The following PLPPR1 variants were observed in gnomAD, a reference collection of about 807,000 sequenced individuals.
PLPPR1 encodes phospholipid phosphatase-related protein type 1.
A neutral mutation model predicts 33.1 loss-of-function variants in PLPPR1; 10 were observed. That is an observed-to-expected ratio of 0.30 (90% CI 0.19 to 0.51). The LOEUF is 0.51. Among genes scored for constraint, PLPPR1 ranks in the 20% least tolerant of loss-of-function variants. The probability of loss-of-function intolerance (pLI) is 0.97; values close to 1 mark genes in which losing one functional copy is unlikely to be tolerated. For missense variants in PLPPR1, 304 were observed against 408.1 expected, an observed-to-expected ratio of 0.74 and a Z score of 2.20; for synonymous variants, 151 against 151.0, an observed-to-expected ratio of 1.00 and a Z score of 0.00.
intron 6 of PLPPR1, among the ~76,000 whole-genome samples, chr9:101,313,308 A>G (rs1389700418): frequency 6.6e-6 from 1 of 152,084 alleles, no homozygotes; most frequent in African/African-American, 2.4e-5. Flanking sequence ...TTCTCTAAGT[A>G]TTTGTTCTCA....
chr9:101,041,043 G>C (rs1005799628), intron 1 of PLPPR1, among the ~76,000 whole-genome samples: 1 of 152,192 alleles, frequency 6.6e-6, no homozygotes, highest in African/African-American at 2.4e-5. Flanking sequence ...GAATGGGGGA[G>C]ATCTGTGAAC....
chr9:101,117,696 A>G (rs375787520), intron 1 of PLPPR1, among the ~76,000 whole-genome samples: 1 of 152,054 alleles, frequency 6.6e-6, no homozygotes. Flanking sequence ...GAAATCACAC[A>G]TGTGAAAGAA....
At chr9:101,148,892 C>T (rs991439315) in intron 1 of PLPPR1, among the ~76,000 whole-genome samples, 15 of 152,270 alleles carry the variant, frequency 9.9e-5, no homozygotes, top group African/African-American at 3.4e-4. Flanking sequence ...ATTCTCCCTT[C>T]ATCCCCACAT....
At chr9:101,143,634 C>T (rs568612711) in intron 1 of PLPPR1, among the ~76,000 whole-genome samples, 3 of 152,326 alleles carry the variant, frequency 2.0e-5, no homozygotes, top group South Asian at 2.1e-4. Context: ...TGAACAGACA[C>T]TTCTCTGAAG....
chr9:101,226,459 A>C (rs1827070563), intron 2 of PLPPR1, among the ~76,000 whole-genome samples: 1 of 152,160 alleles, frequency 6.6e-6, no homozygotes, highest in South Asian at 2.1e-4. Context: ...GCTCATAAAC[A>C]AAAGAAGTGT....
chr9:101,099,389 T>C (rs1374430685), intron 1 of PLPPR1, among the ~76,000 whole-genome samples: 1 of 152,168 alleles, frequency 6.6e-6, no homozygotes, highest in Non-Finnish European at 1.5e-5. Context: ...ATTTGTTTTC[T>C]GATTTCTGAC....
chr9:101,048,615 ATAAAGAT>A (rs1830181463), intron 1 of PLPPR1, among the ~76,000 whole-genome samples: 1 of 152,266 alleles, frequency 6.6e-6, no homozygotes, highest in Non-Finnish European at 1.5e-5. Context: ...TAGGTAAAGT[ATAAAGAT>A]TAATGTGACA....
In PLPPR1 at chr9:101,314,655, T is replaced by TA. The variant is rs528249675; in HGVS notation, c.813+1687dup. ...TTAATTTAAAAGCACTTTATGGCTT[T>TA]AAAAAAGTGTTGACGCAGACACAAA... On this transcript the variant is annotated intron_variant, in intron 6 of 7. Coordinates refer to ENST00000374874, the MANE Select transcript of PLPPR1 (RefSeq NM_207299.2). 1.1e-3 allele frequency among the ~76,000 whole-genome samples: 161 copies of TA among 151,772 alleles called. 2 individuals carry two copies. Among genetic ancestry groups the TA allele is most frequent in the African/African-American group, 3.8e-3 (156 of 41,352 alleles).
chr9:101,122,346 TTAA>T (rs1831189134), intron 1 of PLPPR1, among the ~76,000 whole-genome samples: 1 of 152,214 alleles, frequency 6.6e-6, no homozygotes, highest in Admixed American at 6.5e-5. Flanking sequence ...ATTGTTGGTT[TTAA>T]TAATATTACC....
chr9:101,033,785 T>C (rs2252151), intron 1 of PLPPR1, among the ~76,000 whole-genome samples: 86,631 of 151,938 alleles, frequency 0.57, 24,844 homozygotes, highest in East Asian at 0.74. Context: ...AACAGAGAGG[T>C]CCCAGTAGCT....
intron 1 of PLPPR1, among the ~76,000 whole-genome samples, chr9:101,183,262 C>T (rs1460632732): frequency 6.6e-6 from 1 of 151,672 alleles, no homozygotes; most frequent in Admixed American, 6.6e-5. Flanking sequence ...AAATTCAAAA[C>T]AATCTAAATG....
chr9:101,267,406 A>G (rs1828017515), intron 2 of PLPPR1, among the ~76,000 whole-genome samples: 1 of 152,236 alleles, frequency 6.6e-6, no homozygotes, highest in African/African-American at 2.4e-5. Context: ...TTCAAACAGC[A>G]GAGAAGGCTG....
At chr9:101,291,459 G>A (rs1246992084) in intron 4 of PLPPR1, among the ~76,000 whole-genome samples, 1 of 152,224 alleles carries the variant, frequency 6.6e-6, no homozygotes, top group Non-Finnish European at 1.5e-5. Context: ...CACGCAGCTG[G>A]AGATCTGAGA....
intron 1 of PLPPR1, among the ~76,000 whole-genome samples, chr9:101,184,062 T>A (rs979228626): frequency 1.3e-5 from 2 of 151,814 alleles, no homozygotes; most frequent in South Asian, 2.1e-4. Context: ...TTGTCCATTT[T>A]AAAATGATGG....
intron 2 of PLPPR1, among the ~76,000 whole-genome samples, chr9:101,264,665 G>T (rs548866214): frequency 1.6e-4 from 25 of 152,338 alleles, no homozygotes; most frequent in African/African-American, 5.8e-4. Flanking sequence ...AAGAGTTGCT[G>T]ATTGACTAGC....
At chr9:101,283,076 A>G (rs551261414) in intron 3 of PLPPR1, among the ~76,000 whole-genome samples, 1 of 152,092 alleles carries the variant, frequency 6.6e-6, no homozygotes, top group African/African-American at 2.4e-5. Context: ...GCCTCAAGCA[A>G]TCCTCCAATC....
chr9:101,112,623 C>T (rs909049256), intron 1 of PLPPR1, among the ~76,000 whole-genome samples: 4 of 152,160 alleles, frequency 2.6e-5, no homozygotes, highest in East Asian at 1.9e-4. Flanking sequence ...CATAGTTACC[C>T]CAAGCAGTGC....
At chr9:101,207,398 C>G (rs1326009909) in intron 2 of PLPPR1, among the ~76,000 whole-genome samples, 3 of 152,204 alleles carry the variant, frequency 2.0e-5, no homozygotes, top group African/African-American at 7.2e-5. Context: ...TCTTCAAACC[C>G]TTTATTCCTT....
intron 1 of PLPPR1, among the ~76,000 whole-genome samples, chr9:101,122,508 T>C (rs1831190947): frequency 6.6e-6 from 1 of 152,138 alleles, no homozygotes; most frequent in South Asian, 2.1e-4. Flanking sequence ...AAAAATAAGG[T>C]TAATCAAAAT....
Sources: allele counts gnomAD v4.1 joint callset (sites outside exome capture counted in the v4.1 genomes callset), GRCh38; gene constraint gnomAD v4.1.1; transcripts MANE v1.5; gene names NCBI Gene and HGNC (gene_info 2026-07-23, HGNC 2026-07-21).